Variants in DCTN5 observed in about 807,000 individuals in gnomAD.
The protein encoded by DCTN5 is dynactin 4.
In DCTN5, 14 loss-of-function variants were observed where a neutral mutation model predicts 23.5. The ratio of observed to expected loss-of-function variants is 0.60; its 90% CI spans 0.39 to 0.93. The LOEUF is 0.93. DCTN5 is among the 40% of genes least tolerant of loss of function. The pLI is 0.00. For missense variants in DCTN5, 156 were observed against 225.9 expected (o/e 0.69, Z 1.98); for synonymous variants, 67 against 79.6 (o/e 0.84, Z 0.84).
Position 23,667,441 on chromosome 16 carries a change from C to A in DCTN5, c.*297C>A, listed in dbSNP as rs1967927437. On this transcript the variant is annotated 3_prime_UTR_variant, in exon 6 of 6. Transcript: ENST00000300087. ...TCATCTGTTCCCAACACTCCAGCCC[C>A]TTGGTCCTGTGGATGGCTGGATCCC... 5 of 349,516 alleles carry A rather than the reference C, an allele frequency of 1.4e-5. No homozygotes were observed. The highest frequency in any genetic ancestry group is 2.2e-5 in the Non-Finnish European group (4 of 184,900). 21.7% of individuals were successfully genotyped at this position (349,516 alleles called of 1,614,324 possible).
At chr16:23,665,545 G>C in intron 4 of DCTN5, 81 bp from the exon 5 acceptor site, 1 of 1,319,590 alleles carries the variant, frequency 7.6e-7, no homozygotes, top group Non-Finnish European at 1.1e-6. Flanking sequence ...CTATTACATG[G>C]TATCATGAAT....
chr16:23,644,565 G>T (rs1967382919), intron 2 of DCTN5, among the ~76,000 whole-genome samples: 2 of 151,714 alleles, frequency 1.3e-5, no homozygotes. Flanking sequence ...CTCCGAAAGT[G>T]CTGGGATTAC....
At chr16:23,661,056 G>A (rs186756172) in intron 3 of DCTN5, 114 bp from the exon 4 acceptor site, 8 of 540,576 alleles carry the variant, frequency 1.5e-5, no homozygotes, top group African/African-American at 7.8e-5. Context: ...TTTCCTTGCT[G>A]GGAACAGTCT....
chr16:23,643,591 A>C (rs1041591026), intron 2 of DCTN5, among the ~76,000 whole-genome samples: 1 of 152,106 alleles, frequency 6.6e-6, no homozygotes, highest in African/African-American at 2.4e-5. Flanking sequence ...CCTAGAACCA[A>C]CATTATTTTA....
Position 23,669,351 on chromosome 16 carries a change from C to A in DCTN5, c.*2207C>A, listed in dbSNP as rs1967964416. 1 of 152,280 alleles carries A rather than the reference C, an allele frequency of 6.6e-6. No homozygotes were observed. Among genetic ancestry groups the A allele is most frequent in the Admixed American group, 6.5e-5 (1 of 15,282 alleles). 9.4% of individuals were successfully genotyped at this position (152,280 alleles called of 1,614,324 possible). A position where few individuals can be genotyped will look rare whatever the true frequency, so the allele number is the denominator to read the frequency against. On this transcript the variant is annotated 3_prime_UTR_variant, in exon 6 of 6. Coordinates refer to ENST00000300087, the MANE Select transcript of DCTN5 (RefSeq NM_032486.4). Reference sequence around the variant, plus strand: ...GGATCTGTCTCTTTGGCTCTCAGCTCTGCTTTCATTTGAGTTGGCTTTATT... The same window carrying A: ...GGATCTGTCTCTTTGGCTCTCAGCTATGCTTTCATTTGAGTTGGCTTTATT...
rs750838210 is a variant in DCTN5 at position 23,666,972 on chromosome 16, G to C, written c.452-75G>C. 8 of 1,592,318 alleles carry C rather than the reference G, an allele frequency of 5.0e-6. No homozygotes were observed. The African/African-American group carries it at 5.4e-5, about 11-fold the overall frequency. ...GACATGCATCTGATTGAGGTGAGAA[G>C]GATATTGCCAGAGAAATATCTTAAC... On this transcript the variant is annotated intron_variant, in intron 5 of 5. Transcript: ENST00000300087.
intron 2 of DCTN5, among the ~76,000 whole-genome samples, chr16:23,649,022 A>G (rs1352363401): frequency 1.3e-5 from 2 of 151,796 alleles, no homozygotes; most frequent in Non-Finnish European, 2.9e-5. Flanking sequence ...CATGCTGGCT[A>G]ATTTTTTTTG....
Position 23,658,540 on chromosome 16 carries a change from G to A in DCTN5, c.151G>A (p.Asp51Asn). The A allele has an allele frequency of 6.2e-7, 1 of 1,614,140 alleles. No individual in the cohort carries two copies. Among genetic ancestry groups the A allele is most frequent in the Non-Finnish European group, 8.5e-7 (1 of 1,180,004 alleles). The change falls in exon 3 of 6, where the codon GAT becomes AAT. Residue 51 changes from aspartate (D) to asparagine (N), a missense_variant. Asp to Asn is a conservative substitution (Grantham distance 23, BLOSUM62 1). Transcript: ENST00000300087. ...IVMNDCIIRGDLANVRVGRHC... is the reference protein window; with the variant it reads ...IVMNDCIIRGNLANVRVGRHC... The stretch of plus-strand genomic sequence containing the variant: ...GATGAATGACTGTATTATCCGAGGG[G>A]ATCTGGCAAATGTAAGAGTTGGACG...
In DCTN5 at chr16:23,655,766, C is replaced by T. The variant is rs527810257; in HGVS notation, c.118-2741C>T. On this transcript the variant is annotated intron_variant, in intron 2 of 5. Transcript: ENST00000300087. Reference sequence around the variant, plus strand: ...TGCCATGTTTCCCAGGCTGGTCTTGCCCTCCTGTGCTCAAGCAGTCCTCCT... The same window carrying T: ...TGCCATGTTTCCCAGGCTGGTCTTGTCCTCCTGTGCTCAAGCAGTCCTCCT... Among the ~76,000 whole-genome samples, 35 of 152,164 alleles carry T rather than the reference C, an allele frequency of 2.3e-4. 1 individual carries two copies. In the East Asian group the frequency reaches 6.6e-3, roughly 29 times the overall value.
rs530271562 is a variant in DCTN5, at chr16:23,670,961, G to C, written c.*3817G>C. ...GGTGCCAAGCACTTCCTAGGTCCTG[G>C]GGATACAGTGGAGACTAAGATGGAG... On this transcript the variant is annotated 3_prime_UTR_variant, in exon 6 of 6. Coordinates refer to ENST00000300087, the MANE Select transcript of DCTN5 (RefSeq NM_032486.4). 3 of 152,302 alleles carry C rather than the reference G, an allele frequency of 2.0e-5. No individual in the cohort carries two copies. Among genetic ancestry groups the C allele is most frequent in the African/African-American group, 7.2e-5 (3 of 41,560 alleles). The allele number at this position is 152,302 out of a possible 1,614,324, so 9.4% of individuals were successfully genotyped here.
intron 2 of DCTN5, among the ~76,000 whole-genome samples, chr16:23,647,319 A>G (rs1025268216): frequency 6.6e-6 from 1 of 152,036 alleles, no homozygotes; most frequent in Admixed American, 6.6e-5. Flanking sequence ...CATTTTGGTC[A>G]GGCTGGTCTC....
intron 3 of DCTN5, among the ~76,000 whole-genome samples, chr16:23,660,057 C>T (rs553047401): frequency 6.6e-6 from 1 of 152,272 alleles, no homozygotes; most frequent in East Asian, 1.9e-4. Flanking sequence ...TTTCTACCTG[C>T]ATGTCATACC....
At position 23,668,400 on chromosome 16, in the gene DCTN5, T is replaced by G. The variant is rs1386732301; in HGVS notation, c.*1256T>G. 2.0e-5 allele frequency: 3 copies of G among 152,246 alleles called. No individual in the cohort carries two copies. The highest frequency in any genetic ancestry group is 4.4e-5 in the Non-Finnish European group (3 of 68,044). 9.4% of individuals were successfully genotyped at this position (152,246 alleles called of 1,614,324 possible). Reference sequence around the variant, plus strand: ...TCTAGTTTGTTATTTTTAAAATGTTTATACATAAAACCACCAAAATACATA... The same window carrying G: ...TCTAGTTTGTTATTTTTAAAATGTTGATACATAAAACCACCAAAATACATA... On this transcript the variant is annotated 3_prime_UTR_variant, in exon 6 of 6. Transcript: ENST00000300087.
chr16:23,669,594 T>C lies in DCTN5; in HGVS notation c.*2450T>C, dbSNP rs1332491869. The C allele has an allele frequency of 6.6e-6, 1 of 152,654 alleles. No homozygotes were observed. The highest frequency in any genetic ancestry group is 2.4e-5 in the African/African-American group (1 of 41,380). The allele number at this position is 152,654 out of a possible 1,614,324, so 9.5% of individuals were successfully genotyped here. A position where few individuals can be genotyped will look rare whatever the true frequency, so the allele number is the denominator to read the frequency against. ...TGGTGCTGGTGGTTGTGGTGGCAGA[T>C]GATATTACCTGAAGAAGGGACGAAT... On this transcript the variant is annotated 3_prime_UTR_variant, in exon 6 of 6. Transcript: ENST00000300087.
chr16:23,658,676 G>T (rs769939722), intron 3 of DCTN5, 51 bp downstream of exon 3: 1 of 1,402,788 alleles, frequency 7.1e-7, no homozygotes, highest in African/African-American at 1.4e-5. Flanking sequence ...GCTGCCACTG[G>T]TGGTGTGGTC....
intron 2 of DCTN5, among the ~76,000 whole-genome samples, chr16:23,657,749 A>G (rs910240576): frequency 5.9e-5 from 9 of 152,066 alleles, no homozygotes; most frequent in African/African-American, 1.9e-4. Context: ...GCCAGAAAAA[A>G]TTTTTTAATG....
chr16:23,643,066 G>C (rs546594210), intron 2 of DCTN5, 43 bp downstream of exon 2: 1 of 1,539,038 alleles, frequency 6.5e-7, no homozygotes, highest in South Asian at 1.1e-5. Flanking sequence ...CTTAGCTTGC[G>C]TTCTGCTAAT....
intron 2 of DCTN5, among the ~76,000 whole-genome samples, chr16:23,656,538 T>C (rs868103633): frequency 6.6e-5 from 10 of 152,216 alleles, no homozygotes; most frequent in Admixed American, 2.6e-4. Context: ...AGCTGCTGAA[T>C]TTGGCTGATT....
In DCTN5 at chr16:23,661,156, T is replaced by G; in HGVS notation, c.237-14T>G. ...TCTTGACCTTTCTGTGTTCATCTTC[T>G]TTTCCTCTTCTAGTGTTGCATTCTT... On this transcript the variant is annotated splice_polypyrimidine_tract_variant and intron_variant, in intron 3 of 5. Coordinates refer to ENST00000300087, the MANE Select transcript of DCTN5 (RefSeq NM_032486.4). The G allele has an allele frequency of 1.3e-6, 2 of 1,585,368 alleles. No individual in the cohort carries two copies. The highest frequency in any genetic ancestry group is 1.7e-6 in the Non-Finnish European group (2 of 1,155,488).
Sources: gnomAD v4.1 joint callset for allele counts (sites outside exome capture counted in the v4.1 genomes callset) on GRCh38, gnomAD v4.1.1 for gene constraint, MANE v1.5 for transcripts, NCBI Gene and HGNC (gene_info 2026-07-23, HGNC 2026-07-21) for gene names.